The following KCNAB1 variants were observed in gnomAD, a reference collection of about 807,000 sequenced individuals.
The protein encoded by KCNAB1 is voltage-gated potassium channel subunit beta-1.
Under a neutral mutation model 64.6 loss-of-function variants are expected in KCNAB1, and 35 were observed. That is an observed-to-expected ratio of 0.54 (90% confidence interval 0.41 to 0.72). The LOEUF (loss-of-function observed/expected upper bound fraction) is 0.72. Ranked by LOEUF, KCNAB1 falls within the 30% of genes least tolerant of loss-of-function variation. The probability of loss-of-function intolerance (pLI) is 0.00; values close to 1 mark genes in which losing one functional copy is unlikely to be tolerated. For synonymous variants in KCNAB1, 177 were observed against 183.8 expected, an observed-to-expected ratio of 0.96 and a Z score of 0.30; for missense variants, 401 against 512.9, an observed-to-expected ratio of 0.78 and a Z score of 2.11.
chr3:156,182,889 C>T (rs1009544398), intron 1 of KCNAB1, among the ~76,000 whole-genome samples: 4 of 151,454 alleles, frequency 2.6e-5, no homozygotes, highest in Non-Finnish European at 4.4e-5. Context: ...TATTAGAGAC[C>T]GGGTTTCACC....
At chr3:156,157,353 A>G (rs558877731) in intron 1 of KCNAB1, among the ~76,000 whole-genome samples, 1 of 152,318 alleles carries the variant, frequency 6.6e-6, no homozygotes, top group East Asian at 1.9e-4. Flanking sequence ...AAATCATAAG[A>G]AATTGGCCCT....
At chr3:156,311,353 G>A (rs1461299066) in intron 1 of KCNAB1, among the ~76,000 whole-genome samples, 2 of 152,214 alleles carry the variant, frequency 1.3e-5, no homozygotes, top group Non-Finnish European at 2.9e-5. Context: ...ACCCTAACAA[G>A]TTAAGGCAAG....
intron 6 of KCNAB1, among the ~76,000 whole-genome samples, chr3:156,463,963 T>G (rs1388994642): frequency 6.6e-6 from 1 of 152,176 alleles, no homozygotes; most frequent in African/African-American, 2.4e-5. Context: ...AAGCATGTGG[T>G]CACTTGTTAC....
chr3:156,485,925 C>CT (rs1397666430), intron 8 of KCNAB1, among the ~76,000 whole-genome samples: 1 of 152,056 alleles, frequency 6.6e-6, no homozygotes, highest in Non-Finnish European at 1.5e-5. Context: ...TGATTTCATT[C>CT]TTTTTTCTGT....
intron 1 of KCNAB1, among the ~76,000 whole-genome samples, chr3:156,181,574 G>A (rs919414769): frequency 1.3e-5 from 2 of 152,150 alleles, no homozygotes; most frequent in Non-Finnish European, 2.9e-5. Flanking sequence ...GCTTATCTGG[G>A]AGTCCAGTCA....
intron 1 of KCNAB1, chr3:156,291,884 G>T: frequency 6.2e-7 from 1 of 1,613,574 alleles, no homozygotes; most frequent in South Asian, 1.1e-5. Context: ...TTCTGAGAGG[G>T]ACCGTGCGCT....
chr3:156,298,750 A>C (rs79448585), intron 1 of KCNAB1, among the ~76,000 whole-genome samples: 4,203 of 152,310 alleles, frequency 0.028, 203 homozygotes, highest in African/African-American at 0.097. Context: ...GCATCAATTC[A>C]TACTTTTTCT....
At chr3:156,358,264 C>T (rs1463775920) in intron 1 of KCNAB1, among the ~76,000 whole-genome samples, 3 of 152,124 alleles carry the variant, frequency 2.0e-5, no homozygotes, top group African/African-American at 7.2e-5. Context: ...TCGTATCATC[C>T]CTCCACTTGA....
At chr3:156,235,830 A>T (rs547156556) in intron 1 of KCNAB1, among the ~76,000 whole-genome samples, 1 of 152,322 alleles carries the variant, frequency 6.6e-6, no homozygotes, top group Admixed American at 6.5e-5. Context: ...CATCAAAAAT[A>T]GAAATTCCTG....
chr3:156,384,038 A>T (rs1712380305), intron 1 of KCNAB1, among the ~76,000 whole-genome samples: 1 of 152,170 alleles, frequency 6.6e-6, no homozygotes, highest in Non-Finnish European at 1.5e-5. Flanking sequence ...CCCAGAGTAG[A>T]TTTGATTCAG....
chr3:156,463,862 TG>T (rs2108299363), intron 6 of KCNAB1, 116 bp downstream of exon 6: 1 of 731,324 alleles, frequency 1.4e-6, no homozygotes, highest in Non-Finnish European at 2.2e-6. Flanking sequence ...GAGGGTTTTT[TG>T]TTTTTTTTTT....
intron 1 of KCNAB1, among the ~76,000 whole-genome samples, chr3:156,127,918 T>TGTGTGTGTGTGTGC (rs33965119): frequency 6.7e-6 from 1 of 149,848 alleles, no homozygotes. Context: ...TGTGTGTGTG[T>TGTGTGTGTGTGTGC]GCACGTGCGT....
intron 7 of KCNAB1, among the ~76,000 whole-genome samples, chr3:156,469,049 T>G (rs577874803): frequency 6.6e-6 from 1 of 152,330 alleles, no homozygotes; most frequent in South Asian, 2.1e-4. Context: ...TTGTTTTTTG[T>G]TCTTTTCTTT....
intron 2 of KCNAB1, among the ~76,000 whole-genome samples, chr3:156,441,005 CTT>C (rs1321552948): frequency 6.6e-6 from 1 of 152,042 alleles, no homozygotes; most frequent in Non-Finnish European, 1.5e-5. Flanking sequence ...TTATATTCCT[CTT>C]TGAGTTTTTA....
intron 1 of KCNAB1, among the ~76,000 whole-genome samples, chr3:156,420,768 G>A (rs1269300068): frequency 6.6e-6 from 1 of 152,036 alleles, no homozygotes; most frequent in Non-Finnish European, 1.5e-5. Flanking sequence ...CTAGTCAGAA[G>A]ACAAAAATGG....
intron 1 of KCNAB1, among the ~76,000 whole-genome samples, chr3:156,200,186 C>T (rs1439832323): frequency 6.6e-6 from 1 of 152,236 alleles, no homozygotes; most frequent in Non-Finnish European, 1.5e-5. Flanking sequence ...CCTGTTCCTT[C>T]CTCTGGAAGC....
At chr3:156,285,104 TAAAC>T (rs530119775) in intron 1 of KCNAB1, among the ~76,000 whole-genome samples, 5 of 152,250 alleles carry the variant, frequency 3.3e-5, no homozygotes, top group South Asian at 4.1e-4. Flanking sequence ...TAATTGAAAA[TAAAC>T]AAGGGATAAG....
At chr3:156,371,674 T>C (rs547441018) in intron 1 of KCNAB1, among the ~76,000 whole-genome samples, 2 of 152,326 alleles carry the variant, frequency 1.3e-5, no homozygotes, top group East Asian at 3.9e-4. Flanking sequence ...GGCTTGAATG[T>C]ACTGCAGTGA....
At chr3:156,160,824 G>A (rs747369162) in intron 1 of KCNAB1, among the ~76,000 whole-genome samples, 6 of 152,152 alleles carry the variant, frequency 3.9e-5, no homozygotes, top group Non-Finnish European at 7.3e-5. Context: ...ATTTTCACAC[G>A]TACATTAAGA....
Sources: gnomAD v4.1 joint callset for allele counts (sites outside exome capture counted in the v4.1 genomes callset) on GRCh38, gnomAD v4.1.1 for gene constraint, MANE v1.5 for transcripts, NCBI Gene and HGNC (gene_info 2026-07-23, HGNC 2026-07-21) for gene names.